Variants in LURAP1L observed in about 807,000 individuals in gnomAD.
LURAP1L encodes leucine rich adaptor protein 1-like.
Under a neutral mutation model 13.8 loss-of-function variants are expected in LURAP1L, and 12 were observed. The observed-to-expected ratio is 0.87, with a 90% CI of 0.56 to 1.41. The LOEUF (loss-of-function observed/expected upper bound fraction) is 1.41. Ranked by LOEUF, LURAP1L falls within the 40% of genes most tolerant of loss-of-function variation. The pLI, the probability that LURAP1L is intolerant of heterozygous loss-of-function variation, is 0.00. For missense variants in LURAP1L, 375 were observed against 292.9 expected (o/e 1.28, Z -2.04); for synonymous variants, 139 against 119.2 (o/e 1.17, Z -1.08).
Position 12,822,449 on chromosome 9 carries a change from C to A in LURAP1L, c.*689C>A, listed in dbSNP as rs1331623999. On this transcript the variant is annotated 3_prime_UTR_variant, in exon 2 of 2. Coordinates refer to ENST00000319264, the MANE Select transcript of LURAP1L (RefSeq NM_203403.2). ...TGTGTAATAAAATGTATTATTCTCCCAAATTTCAAGGAATAATTGAGATTA... is the reference window on the plus strand; with the variant it reads ...TGTGTAATAAAATGTATTATTCTCCAAAATTTCAAGGAATAATTGAGATTA... Among the ~76,000 whole-genome samples the A allele has an allele frequency of 1.3e-5, 2 of 152,188 alleles. No individual in the cohort carries two copies. The highest frequency in any genetic ancestry group is 3.9e-4 in the East Asian group (2 of 5,174).
At chr9:12,781,459 G>A (rs10120695) in intron 1 of LURAP1L, among the ~76,000 whole-genome samples, 112,730 of 151,892 alleles carry the variant, frequency 0.74, 43,756 homozygotes, top group Non-Finnish European at 0.86. Context: ...AGCTCCATGA[G>A]TTCAACTGTT....
chr9:12,810,417 C>T (rs1453832548), intron 1 of LURAP1L, among the ~76,000 whole-genome samples: 1 of 152,148 alleles, frequency 6.6e-6, no homozygotes, highest in Admixed American at 6.5e-5. Flanking sequence ...CCAATGACCT[C>T]AGTTTTCTGA....
chr9:12,818,078 T>A (rs1380555332), intron 1 of LURAP1L, among the ~76,000 whole-genome samples: 1 of 151,578 alleles, frequency 6.6e-6, no homozygotes, highest in Admixed American at 6.6e-5. Context: ...CTTGCTTGTG[T>A]CGTTTTTTTC....
chr9:12,821,439 T>C lies in LURAP1L; in HGVS notation c.366T>C (p.Asn122=). Reference sequence around the variant, plus strand: ...TCATGCGCCAGTTGCTTGTAATCAATGAGAGCATCGAGTCCATCAAGTGGA... The same window carrying C: ...TCATGCGCCAGTTGCTTGTAATCAACGAGAGCATCGAGTCCATCAAGTGGA... ...VRLMRQLLVI[N]ESIESIKWMI... Residue 122 remains asparagine, a synonymous_variant, in exon 2 of 2, where the codon AAT becomes AAC. Coordinates refer to ENST00000319264, the MANE Select transcript of LURAP1L (RefSeq NM_203403.2). The C allele has an allele frequency of 6.2e-7, 1 of 1,614,116 alleles. No homozygotes were observed. The highest frequency in any genetic ancestry group is 8.5e-7 in the Non-Finnish European group (1 of 1,180,022).
rs772472587 is a variant in LURAP1L at position 12,821,463 on chromosome 9, G to C, written c.390G>C (p.Trp130Cys). Residue 130 changes from tryptophan (W) to cysteine (C), a missense_variant, in exon 2 of 2, where the codon TGG (tryptophan) becomes TGC (cysteine). Coordinates refer to ENST00000319264, the MANE Select transcript of LURAP1L (RefSeq NM_203403.2). ...ATGAGAGCATCGAGTCCATCAAGTG[G>C]ATGATCGAAGAAAAAGCCACCATTA... ...VINESIESIK[W>C]MIEEKATITS... 2 of 1,614,110 alleles carry C rather than the reference G, an allele frequency of 1.2e-6. No individual in the cohort carries two copies. Among genetic ancestry groups the C allele is most frequent in the Non-Finnish European group, 1.7e-6 (2 of 1,180,034 alleles).
At position 12,822,476 on chromosome 9, in the gene LURAP1L, G is replaced by A. The variant is rs1000509741; in HGVS notation, c.*716G>A. ...AATTTCAAGGAATAATTGAGATTAA[G>A]TATGGAGGCCATTCAAGGCAAAAAT... On this transcript the variant is annotated 3_prime_UTR_variant, in exon 2 of 2. Transcript: ENST00000319264. Among the ~76,000 whole-genome samples, 8 of 152,202 alleles carry A rather than the reference G, an allele frequency of 5.3e-5. No homozygotes were observed. The highest frequency in any genetic ancestry group is 9.7e-5 in the African/African-American group (4 of 41,444).
intron 1 of LURAP1L, among the ~76,000 whole-genome samples, chr9:12,820,027 C>G (rs942022137): frequency 6.6e-6 from 1 of 152,152 alleles, no homozygotes; most frequent in African/African-American, 2.4e-5. Flanking sequence ...CTGCCAGGCT[C>G]TGTACTCGAG....
rs1819159636 is a variant in LURAP1L at position 12,775,615 on chromosome 9, T to C, written c.-101T>C. ...CCGGAGCGGCGGAGGATAGAGACCC[T>C]GGCCCCCGGAGAGGTCTGCTGATTT... On this transcript the variant is annotated 5_prime_UTR_variant, in exon 1 of 2. Coordinates refer to ENST00000319264, the MANE Select transcript of LURAP1L (RefSeq NM_203403.2). 6 of 1,469,012 alleles carry C rather than the reference T, an allele frequency of 4.1e-6. No individual in the cohort carries two copies. In the African/African-American group the frequency reaches 4.2e-5, roughly 10 times the overall value. The allele number at this position is 1,469,012 out of a possible 1,614,324, so 91.0% of individuals were successfully genotyped here.
At chr9:12,795,222 T>A (rs1357344684) in intron 1 of LURAP1L, among the ~76,000 whole-genome samples, 1 of 151,992 alleles carries the variant, frequency 6.6e-6, no homozygotes, top group African/African-American at 2.4e-5. Flanking sequence ...CCCTATTTCC[T>A]ACACTTTTTG....
At chr9:12,802,285 T>C (rs1426412142) in intron 1 of LURAP1L, among the ~76,000 whole-genome samples, 2 of 152,160 alleles carry the variant, frequency 1.3e-5, no homozygotes, top group African/African-American at 2.4e-5. Flanking sequence ...AAGTCTCATG[T>C]TCTGTATTCA....
chr9:12,816,746 A>T (rs1302944309), intron 1 of LURAP1L, among the ~76,000 whole-genome samples: 1 of 152,288 alleles, frequency 6.6e-6, no homozygotes, highest in African/African-American at 2.4e-5. Flanking sequence ...AAATACAGAG[A>T]CCTGTGACAT....
chr9:12,801,527 T>C lies in LURAP1L; in HGVS notation c.313-19859T>C, dbSNP rs137909929. ...ACCATCTATTACTTTAATAAGTTTTTATTAGATCAATTTCATTAAACTGCT... is the reference window on the plus strand; with the variant it reads ...ACCATCTATTACTTTAATAAGTTTTCATTAGATCAATTTCATTAAACTGCT... On this transcript the variant is annotated intron_variant, in intron 1 of 1. Transcript: ENST00000319264. 8.0e-3 allele frequency among the ~76,000 whole-genome samples: 1,219 copies of C among 152,308 alleles called. 15 individuals carry two copies. The highest frequency in any genetic ancestry group is 0.028 in the African/African-American group (1,173 of 41,576).
chr9:12,786,559 TATATATATATATATATATATATAA>T (rs1278433414), intron 1 of LURAP1L, among the ~76,000 whole-genome samples: 2 of 116,430 alleles, frequency 1.7e-5, no homozygotes, highest in African/African-American at 6.3e-5. Context: ...TATATATATA[TATATATATATATATATATATATAA>T]ACCCTTGTGC....
chr9:12,818,308 C>A (rs1423102501), intron 1 of LURAP1L, among the ~76,000 whole-genome samples: 2 of 152,114 alleles, frequency 1.3e-5, no homozygotes, highest in East Asian at 1.9e-4. Context: ...AAAATGTATT[C>A]TAAGTATGTT....
intron 1 of LURAP1L, among the ~76,000 whole-genome samples, chr9:12,814,960 G>T (rs1364425551): frequency 6.6e-6 from 1 of 152,164 alleles, no homozygotes; most frequent in African/African-American, 2.4e-5. Context: ...CTGAGAAAGT[G>T]AAAGAAAGCT....
rs141935097 is a variant in LURAP1L at position 12,782,202 on chromosome 9, T to C, written c.312+6175T>C. The stretch of plus-strand genomic sequence containing the variant: ...TTTGCAAATATTTTCTCCCATTTCA[T>C]GGGTTGTCTCTCCACTTTGTTGGTT... On this transcript the variant is annotated intron_variant, in intron 1 of 1. Coordinates refer to ENST00000319264, the MANE Select transcript of LURAP1L (RefSeq NM_203403.2). 5.1e-3 allele frequency among the ~76,000 whole-genome samples: 782 copies of C among 152,370 alleles called. 6 individuals are homozygous for C. Among genetic ancestry groups the C allele is most frequent in the African/African-American group, 0.018 (748 of 41,590 alleles).
chr9:12,804,554 G>C (rs1351773347), intron 1 of LURAP1L, among the ~76,000 whole-genome samples: 1 of 151,984 alleles, frequency 6.6e-6, no homozygotes, highest in Non-Finnish European at 1.5e-5. Flanking sequence ...TGTTGGCCAG[G>C]CTGGTCTCGA....
intron 1 of LURAP1L, among the ~76,000 whole-genome samples, chr9:12,801,453 C>T (rs2118513818): frequency 6.6e-6 from 1 of 152,096 alleles, no homozygotes; most frequent in South Asian, 2.1e-4. Flanking sequence ...GTAGTATGTA[C>T]ATATATGCAT....
At chr9:12,784,047 A>T (rs893203099) in intron 1 of LURAP1L, among the ~76,000 whole-genome samples, 1 of 151,928 alleles carries the variant, frequency 6.6e-6, no homozygotes, top group Admixed American at 6.6e-5. Context: ...TTTCAATCTA[A>T]TTTACATTTC....
Sources: gnomAD v4.1 joint callset for allele counts (sites outside exome capture counted in the v4.1 genomes callset) on GRCh38, gnomAD v4.1.1 for gene constraint, MANE v1.5 for transcripts, NCBI Gene and HGNC (gene_info 2026-07-23, HGNC 2026-07-21) for gene names.